Variants in KIFC3 observed in about 807,000 individuals in gnomAD.
KIFC3 encodes kinesin family member C3.
KIFC3 carries 60 observed loss-of-function variants against 101.8 expected under a neutral mutation model. The ratio of observed to expected loss-of-function variants is 0.59; its 90% CI spans 0.48 to 0.73. The LOEUF is 0.73. Among genes scored for constraint, KIFC3 ranks in the 30% least tolerant of loss-of-function variants. The pLI is 0.00. For synonymous variants in KIFC3, 476 were observed against 482.7 expected, an observed-to-expected ratio of 0.99 and a Z score of 0.18; for missense variants, 966 against 1,137.1, an observed-to-expected ratio of 0.85 and a Z score of 2.16.
At position 57,771,486 on chromosome 16, in the gene KIFC3, T is replaced by C. The variant is rs782231680; in HGVS notation, c.526-49A>G. ...ATGAGTGCAAGGGACAGGCTCACTG[T>C]GAGGAGCTGGGGTGGCCCTCCAGGA... On this transcript the variant is annotated intron_variant, in intron 5 of 19. Coordinates refer to ENST00000445690, the MANE Select transcript of KIFC3 (RefSeq NM_001130100.2). 49 of 1,610,242 alleles carry C rather than the reference T, an allele frequency of 3.0e-5. No homozygotes were observed. The African/African-American group carries it at 5.9e-4, about 19-fold the overall frequency.
At chr16:57,857,321 C>T (rs540827497) in intron 1 of KIFC3, among the ~76,000 whole-genome samples, 2 of 152,110 alleles carry the variant, frequency 1.3e-5, no homozygotes, top group Non-Finnish European at 2.9e-5. Flanking sequence ...GGGCCCCTGA[C>T]TTCAGCTTGG....
At chr16:57,817,609 C>G (rs1414035780) in intron 1 of KIFC3, among the ~76,000 whole-genome samples, 1 of 152,124 alleles carries the variant, frequency 6.6e-6, no homozygotes, top group East Asian at 1.9e-4. Context: ...GTTTATCTGT[C>G]TCTGTGTCCA....
chr16:57,788,766 AC>A, intron 3 of KIFC3: 1 of 1,280,404 alleles, frequency 7.8e-7, no homozygotes, highest in Non-Finnish European at 1.0e-6. Context: ...CCAGGGAAGG[AC>A]CCTCGAGCCA....
chr16:57,810,299 T>C (rs2055038951), intron 1 of KIFC3, among the ~76,000 whole-genome samples: 1 of 152,234 alleles, frequency 6.6e-6, no homozygotes, highest in Non-Finnish European at 1.5e-5. Context: ...GCTGAACTCT[T>C]AGCACCACTG....
chr16:57,813,547 T>C, intron 1 of KIFC3: 1 of 344,968 alleles, frequency 2.9e-6, no homozygotes, highest in Non-Finnish European at 4.1e-6. Context: ...TGCCCCTGTC[T>C]TAAGTGAACA....
At chr16:57,806,065 C>T (rs2054929017), upstream of KIFC3, among the ~76,000 whole-genome samples, 1 of 152,120 alleles carries the variant, frequency 6.6e-6, no homozygotes, top group Non-Finnish European at 1.5e-5. Context: ...GGGCCTGAAA[C>T]CCTTTACTGC....
chr16:57,781,917 T>C (rs1056792808), intron 3 of KIFC3: 158 of 985,212 alleles, frequency 1.6e-4, no homozygotes, highest in Admixed American at 1.6e-3. Flanking sequence ...CCCTCACCCT[T>C]AACCATGGGG....
chr16:57,781,368 C>T (rs2052715307), intron 3 of KIFC3, among the ~76,000 whole-genome samples: 1 of 152,174 alleles, frequency 6.6e-6, no homozygotes, highest in South Asian at 2.1e-4. Context: ...TTATTGGGAA[C>T]TTCAGGAACC....
intron 2 of KIFC3, 76 bp from the exon 3 acceptor site, chr16:57,795,217 G>A (rs1249360327): frequency 6.6e-7 from 1 of 1,521,510 alleles, no homozygotes; most frequent in East Asian, 2.5e-5. Flanking sequence ...CACTGGCCAG[G>A]GCCGCAGCTG....
chr16:57,857,975 A>G (rs247057), intron 1 of KIFC3, among the ~76,000 whole-genome samples: 137,984 of 151,322 alleles, frequency 0.91, 62,900 homozygotes, highest in Middle Eastern at 0.97. Flanking sequence ...ATGCCACCCC[A>G]CCCGACTAAT....
intron 3 of KIFC3, chr16:57,775,320 G>T: frequency 8.4e-7 from 1 of 1,192,894 alleles, no homozygotes; most frequent in South Asian, 3.5e-5. Flanking sequence ...GGGCAGCAAA[G>T]CAGGGGGAAT....
At position 57,769,840 on chromosome 16, in the gene KIFC3, A is replaced by G. The variant is rs1451953011; in HGVS notation, c.1055T>C (p.Val352Ala). The G allele has an allele frequency of 4.3e-6, 7 of 1,613,374 alleles. No homozygotes were observed. The highest frequency in any genetic ancestry group is 5.9e-6 in the Non-Finnish European group (7 of 1,179,974). ...AIEEAFARAQVEMKAVHENLA... is the reference protein window; with the variant it reads ...AIEEAFARAQAEMKAVHENLA... ...ATTCTCGTGCACAGCCTTCATCTCC[A>G]CCTGGGCTCTGGCAAAGGCCTCCTC... Residue 352 changes from valine to alanine, a missense_variant, in exon 8 of 20, where the codon GTG becomes GCG. Around this residue, in one of 2 missense-constraint regions of KIFC3, gnomAD observed 689 missense variants for 884.6 expected, o/e 0.78. Transcript: ENST00000445690. This position sits in a 1 kb window ranked among gnomAD's most constrained non-coding sequence, Gnocchi z 4.3.
chr16:57,856,549 G>T (rs2056173104), intron 1 of KIFC3, among the ~76,000 whole-genome samples: 1 of 150,576 alleles, frequency 6.6e-6, no homozygotes, highest in South Asian at 2.1e-4. Flanking sequence ...AAAGAAGAAA[G>T]AAAAAAAGAA....
Position 57,767,103 on chromosome 16 carries a change from C to T in KIFC3, c.1219-118G>A, listed in dbSNP as rs1322513626. On this transcript the variant is annotated intron_variant, in intron 9 of 19. Transcript: ENST00000445690. ...CCCCTGGCTGAGTACCTGACACACG[C>T]TGTCACATGTCAGACTGTCCCAATC... 5.5e-6 allele frequency: 4 copies of T among 726,512 alleles called. No homozygotes were observed. The African/African-American group carries it at 6.9e-5, about 13-fold the overall frequency. The allele number at this position is 726,512 out of a possible 1,614,324, so 45.0% of individuals were successfully genotyped here. A position where few individuals can be genotyped will look rare whatever the true frequency, so the allele number is the denominator to read the frequency against.
intron 14 of KIFC3, 57 bp from the exon 15 acceptor site, chr16:57,761,228 A>G (rs1199883615): frequency 6.2e-7 from 1 of 1,602,778 alleles, no homozygotes; most frequent in African/African-American, 1.3e-5. Context: ...CCTCAGAGTC[A>G]CCTGGCCCCA....
At chr16:57,819,602 C>G (rs1284360965) in intron 1 of KIFC3, among the ~76,000 whole-genome samples, 1 of 151,862 alleles carries the variant, frequency 6.6e-6, no homozygotes, top group Non-Finnish European at 1.5e-5. Flanking sequence ...GCTCTGTCAC[C>G]CAGGCTGGAG....
intron 1 of KIFC3, among the ~76,000 whole-genome samples, chr16:57,837,563 A>AAGAAAGAAAGAAAGAAAGAAAGAAAG: frequency 6.6e-6 from 1 of 150,618 alleles, no homozygotes; most frequent in Non-Finnish European, 1.5e-5. Context: ...GGAAGAAAGA[A>AAGAAAGAAAGAAAGAAAGAAAGAAAG]AGAAAGAAAG....
intron 1 of KIFC3, among the ~76,000 whole-genome samples, chr16:57,838,221 T>C (rs1027117863): frequency 6.6e-6 from 1 of 152,130 alleles, no homozygotes; most frequent in Admixed American, 6.6e-5. Context: ...CAGCCGGGGA[T>C]GGAATTAAAT....
rs1274458360 is a variant in KIFC3 at position 57,762,239 on chromosome 16, C to T, written c.1649G>A (p.Arg550Gln). 1.3e-5 allele frequency: 20 copies of T among 1,594,040 alleles called. No homozygotes were observed. Among genetic ancestry groups the T allele is most frequent in the African/African-American group, 1.1e-4 (8 of 74,290 alleles). Reference protein sequence around the residue: ...GTAENPGINQRALQLLFSEVQ... With the variant: ...GTAENPGINQQALQLLFSEVQ... ...CTCGGAGAAGAGCAGCTGCAGGGCCCGCTGGTTGATACCTGGGTTCTCAGC... is the reference window on the plus strand; with the variant it reads ...CTCGGAGAAGAGCAGCTGCAGGGCCTGCTGGTTGATACCTGGGTTCTCAGC... Residue 550 changes from arginine to glutamine, a missense_variant, in exon 13 of 20, where the codon CGG becomes CAG. Coordinates refer to ENST00000445690, the MANE Select transcript of KIFC3 (RefSeq NM_001130100.2).
Sources: allele counts gnomAD v4.1 joint callset (sites outside exome capture counted in the v4.1 genomes callset), GRCh38; gene constraint gnomAD v4.1.1; regional missense constraint gnomAD v4.1.1; non-coding constraint Gnocchi (gnomAD v3.1); transcripts MANE v1.5; gene names NCBI Gene and HGNC (gene_info 2026-07-23, HGNC 2026-07-21).